Variants in CDADC1 observed in about 807,000 individuals in gnomAD.
CDADC1 encodes dCTP deaminase.
CDADC1 carries 39 observed loss-of-function variants against 54.9 expected under a neutral mutation model. The ratio of observed to expected loss-of-function variants is 0.71; its 90% CI spans 0.55 to 0.93. CDADC1 has a LOEUF of 0.93. Ranked by LOEUF, CDADC1 falls within the 40% of genes least tolerant of loss-of-function variation. The pLI is 0.00. For missense variants in CDADC1, 518 were observed against 618.8 expected, an observed-to-expected ratio of 0.84 and a Z score of 1.73; for synonymous variants, 186 against 204.0, an observed-to-expected ratio of 0.91 and a Z score of 0.75.
chr13:49,278,527 A>G lies in CDADC1; in HGVS notation c.1220+8A>G. The G allele has an allele frequency of 6.7e-7, 1 of 1,490,698 alleles. No homozygotes were observed. The highest frequency in any genetic ancestry group is 1.4e-5 in the South Asian group (1 of 73,640). The allele number at this position is 1,490,698 out of a possible 1,614,324, so 92.3% of individuals were successfully genotyped here. On this transcript the variant is annotated splice_region_variant and intron_variant, in intron 7 of 9. Transcript: ENST00000251108. ...GAATGCCTTGACATTTAGGTATGAA[A>G]TCCTTCTTGGTGTACTTTTCTTTAA...
At chr13:49,282,375 A>C (rs1953377460) in intron 8 of CDADC1, among the ~76,000 whole-genome samples, 1 of 151,706 alleles carries the variant, frequency 6.6e-6, no homozygotes, top group Non-Finnish European at 1.5e-5. Context: ...AGCCTCCCAA[A>C]GTGCTGGGAC....
chr13:49,252,220 G>A (rs1259660019), intron 2 of CDADC1, among the ~76,000 whole-genome samples: 2 of 152,102 alleles, frequency 1.3e-5, no homozygotes, highest in African/African-American at 4.8e-5. Context: ...CCATACCCAT[G>A]TGTCCTAGGA....
chr13:49,256,235 A>G (rs992145056), intron 3 of CDADC1, among the ~76,000 whole-genome samples: 1 of 152,128 alleles, frequency 6.6e-6, no homozygotes, highest in Non-Finnish European at 1.5e-5. Context: ...CAAGAATGCA[A>G]GGCCCTAACC....
chr13:49,266,372 G>C (rs991850989), intron 4 of CDADC1, among the ~76,000 whole-genome samples: 1 of 151,844 alleles, frequency 6.6e-6, no homozygotes, highest in Non-Finnish European at 1.5e-5. Context: ...TTGTCTGTTC[G>C]TATCTTTTTG....
chr13:49,287,972 TAAAA>T (rs779068056), intron 9 of CDADC1, among the ~76,000 whole-genome samples: 1 of 127,156 alleles, frequency 7.9e-6, no homozygotes, highest in Admixed American at 8.0e-5. Context: ...GACCCTGCCT[TAAAA>T]AAAAAAAAAA....
intron 6 of CDADC1, 96 bp from the exon 7 acceptor site, chr13:49,278,254 T>C (rs1953203214): frequency 1.8e-5 from 15 of 838,544 alleles, no homozygotes; most frequent in Non-Finnish European, 2.6e-5. Flanking sequence ...TGAATGAATA[T>C]TCATTATACA....
chr13:49,280,502 T>G lies in CDADC1; in HGVS notation c.1221-7T>G. ...ACCTTTCTGATATTTTATAATTTTT[T>G]TTGTAGGTGTCAAGAAATAAAACCA... On this transcript the variant is annotated splice_region_variant and splice_polypyrimidine_tract_variant and intron_variant, in intron 7 of 9. Transcript: ENST00000251108. 3 of 1,373,352 alleles carry G rather than the reference T, an allele frequency of 2.2e-6. No individual in the cohort carries two copies. The South Asian group carries it at 5.7e-5, about 26-fold the overall frequency. The allele number at this position is 1,373,352 out of a possible 1,614,324, so 85.1% of individuals were successfully genotyped here.
At chr13:49,280,298 T>A (rs899517206) in intron 7 of CDADC1, among the ~76,000 whole-genome samples, 1 of 152,206 alleles carries the variant, frequency 6.6e-6, no homozygotes, top group Non-Finnish European at 1.5e-5. Context: ...GTTATAATAA[T>A]TGTCATGTTC....
intron 2 of CDADC1, among the ~76,000 whole-genome samples, chr13:49,252,746 G>A (rs1305899171): frequency 2.0e-5 from 3 of 151,990 alleles, no homozygotes; most frequent in African/African-American, 7.3e-5. Flanking sequence ...ACATAATTTT[G>A]CAGGTAGTTG....
At chr13:49,258,515 G>T (rs187557720) in intron 3 of CDADC1, among the ~76,000 whole-genome samples, 3 of 152,200 alleles carry the variant, frequency 2.0e-5, no homozygotes, top group African/African-American at 7.2e-5. Context: ...AGAAACTTTA[G>T]GTTCAATAGT....
intron 8 of CDADC1, among the ~76,000 whole-genome samples, chr13:49,285,170 TTTTTC>T (rs1392730252): frequency 7.2e-6 from 1 of 138,284 alleles, no homozygotes; most frequent in Non-Finnish European, 1.6e-5. Context: ...TTTTCTTTTT[TTTTTC>T]TTTTTTCTTT....
chr13:49,265,838 C>T (rs1187560244), intron 4 of CDADC1: 3 of 1,291,998 alleles, frequency 2.3e-6, no homozygotes, highest in East Asian at 1.1e-4. Context: ...CACTAATACA[C>T]AAATGTCTGT....
chr13:49,266,704 GT>G (rs1211847808), intron 4 of CDADC1, among the ~76,000 whole-genome samples: 1 of 152,054 alleles, frequency 6.6e-6, no homozygotes, highest in Admixed American at 6.6e-5. Context: ...TGGGTTTTTT[GT>G]TTGTTTAACG....
chr13:49,290,445 CATG>C (rs1190301553), intron 9 of CDADC1, among the ~76,000 whole-genome samples: 1 of 151,876 alleles, frequency 6.6e-6, no homozygotes, highest in Non-Finnish European at 1.5e-5. Context: ...TCAAATATTA[CATG>C]ATATGATGAG....
intron 4 of CDADC1, among the ~76,000 whole-genome samples, chr13:49,262,425 G>A (rs1952708230): frequency 6.6e-6 from 1 of 152,078 alleles, no homozygotes; most frequent in Admixed American, 6.6e-5. Context: ...TCCAGCCTGG[G>A]CCACAGAGTG....
intron 8 of CDADC1, 135 bp downstream of exon 8, chr13:49,280,833 A>T (rs1383682403): frequency 1.1e-5 from 2 of 177,962 alleles, no homozygotes; most frequent in African/African-American, 3.0e-5. Context: ...TATTATTATT[A>T]TTTTATTATT....
At chr13:49,289,884 A>G (rs1220356489) in intron 9 of CDADC1, among the ~76,000 whole-genome samples, 1 of 152,026 alleles carries the variant, frequency 6.6e-6, no homozygotes, top group East Asian at 1.9e-4. Flanking sequence ...ATCTCTACAA[A>G]AGATACAAAA....
intron 4 of CDADC1, among the ~76,000 whole-genome samples, chr13:49,263,374 TA>T (rs1209164370): frequency 6.6e-6 from 1 of 152,228 alleles, no homozygotes; most frequent in African/African-American, 2.4e-5. Flanking sequence ...GGATTTTTTT[TA>T]ATATTGTAAA....
intron 4 of CDADC1, among the ~76,000 whole-genome samples, chr13:49,262,146 A>G (rs1952700939): frequency 6.6e-6 from 1 of 152,112 alleles, no homozygotes; most frequent in Non-Finnish European, 1.5e-5. Context: ...TATTTTCATA[A>G]TAATACTACC....
Sources: gnomAD v4.1 joint callset for allele counts (sites outside exome capture counted in the v4.1 genomes callset) on GRCh38, gnomAD v4.1.1 for gene constraint, MANE v1.5 for transcripts, NCBI Gene and HGNC (gene_info 2026-07-23, HGNC 2026-07-21) for gene names.